The following PIGL variants were observed in gnomAD, a reference collection of about 807,000 sequenced individuals.
PIGL encodes the protein phosphatidylinositol glycan anchor biosynthesis class L, also known as N-acetylglucosaminyl-phosphatidylinositol de-N-acetylase.
PIGL carries 22 observed loss-of-function variants against 31.1 expected under a neutral mutation model. The observed-to-expected ratio is 0.71, with a 90% CI of 0.51 to 1.01. The LOEUF is 1.01. PIGL is among the 50% of genes least tolerant of loss of function. The probability of loss-of-function intolerance (pLI) is 0.00; values close to 1 mark genes in which losing one functional copy is unlikely to be tolerated. For missense variants in PIGL, 302 were observed against 315.9 expected (o/e 0.96, Z 0.33); for synonymous variants, 131 against 117.4 (o/e 1.12, Z -0.75).
At chr17:16,217,636 G>A in intron 1 of PIGL, 175 bp downstream of exon 1, 15 of 525,232 alleles carry the variant, frequency 2.9e-5, no homozygotes, top group South Asian at 6.2e-5. Context: ...CTTACCTGGT[G>A]GGTTGGGGGA....
At chr17:16,254,630 A>G (rs1195623410) in intron 2 of PIGL, among the ~76,000 whole-genome samples, 1 of 150,004 alleles carries the variant, frequency 6.7e-6, no homozygotes, top group Non-Finnish European at 1.5e-5. Context: ...TTTGAGATAG[A>G]GTCTTGCTCT....
chr17:16,240,227 C>G (rs1381314658), intron 2 of PIGL, among the ~76,000 whole-genome samples: 3 of 152,108 alleles, frequency 2.0e-5, no homozygotes, highest in African/African-American at 7.2e-5. Context: ...CCTTTGCCTT[C>G]TGCCATGATT....
At chr17:16,246,340 C>T (rs955466266) in intron 2 of PIGL, among the ~76,000 whole-genome samples, 9 of 151,090 alleles carry the variant, frequency 6.0e-5, no homozygotes, top group South Asian at 2.1e-4. Flanking sequence ...GGTGAAACCC[C>T]GTCTCTACTA....
At chr17:16,277,233 A>G (rs914541820) in intron 2 of PIGL, among the ~76,000 whole-genome samples, 17 of 152,054 alleles carry the variant, frequency 1.1e-4, no homozygotes, top group African/African-American at 3.9e-4. Context: ...GTGTCATTCC[A>G]GTCAAAGCCT....
intron 3 of PIGL, among the ~76,000 whole-genome samples, chr17:16,308,968 T>G (rs946239690): frequency 6.6e-6 from 1 of 152,060 alleles, no homozygotes; most frequent in Non-Finnish European, 1.5e-5. Context: ...AAAAATTTCT[T>G]TCTGTAAAGA....
chr17:16,322,727 C>G (rs1454423227), intron 6 of PIGL, among the ~76,000 whole-genome samples: 1 of 152,160 alleles, frequency 6.6e-6, no homozygotes. Context: ...TGTAGTCATT[C>G]GTGGACACTC....
chr17:16,246,843 G>A (rs891154569), intron 2 of PIGL, among the ~76,000 whole-genome samples: 12 of 150,196 alleles, frequency 8.0e-5, no homozygotes, highest in Non-Finnish European at 1.6e-4. Context: ...CCGCCACCGC[G>A]CCCGGCTAAT....
chr17:16,224,949 C>T (rs939821769), intron 1 of PIGL, among the ~76,000 whole-genome samples: 2 of 152,204 alleles, frequency 1.3e-5, no homozygotes, highest in Non-Finnish European at 2.9e-5. Context: ...AGCCACAGTG[C>T]GTGGCCCTTG....
At chr17:16,307,362 T>C (rs1305285516) in intron 3 of PIGL, among the ~76,000 whole-genome samples, 1 of 152,246 alleles carries the variant, frequency 6.6e-6, no homozygotes, top group Non-Finnish European at 1.5e-5. Flanking sequence ...CCAGGGCACC[T>C]TGGCCTAGGT....
chr17:16,310,544 C>CT (rs917733113), intron 3 of PIGL, among the ~76,000 whole-genome samples: 15 of 151,190 alleles, frequency 9.9e-5, no homozygotes, highest in South Asian at 6.3e-4. Context: ...TCTTCTGATT[C>CT]TTTTTTTTTG....
At chr17:16,256,013 T>C (rs746381210) in intron 2 of PIGL, among the ~76,000 whole-genome samples, 1 of 151,414 alleles carries the variant, frequency 6.6e-6, no homozygotes, top group Non-Finnish European at 1.5e-5. Flanking sequence ...GTAATATGAC[T>C]AGGGAAGTCA....
At chr17:16,321,724 TCCTCCCTCCCTC>T in intron 6 of PIGL, among the ~76,000 whole-genome samples, 1 of 152,098 alleles carries the variant, frequency 6.6e-6, no homozygotes, top group Non-Finnish European at 1.5e-5. Context: ...CTTCCTTCCT[TCCTCCCTCCCTC>T]CCTCTTTCTG....
chr17:16,256,793 C>T lies in PIGL; in HGVS notation c.335+22723C>T, dbSNP rs563155441. ...CACTGCAGCCTCTGCCTCCTGGGCT[C>T]AAGTGATCCTCAGCCTCCCAAGTAG... On this transcript the variant is annotated intron_variant, in intron 2 of 6. Transcript: ENST00000225609. 1.5e-3 allele frequency among the ~76,000 whole-genome samples: 232 copies of T among 151,752 alleles called. 1 individual carries two copies. Among genetic ancestry groups the T allele is most frequent in the Non-Finnish European group, 2.2e-3 (147 of 67,906 alleles).
intron 1 of PIGL, among the ~76,000 whole-genome samples, chr17:16,231,067 C>CTTTTTTT (rs59390439): frequency 5.2e-5 from 5 of 96,576 alleles, no homozygotes; most frequent in Non-Finnish European, 8.2e-5. Flanking sequence ...TTTGGTTTTT[C>CTTTTTTT]TTTTTTTTTT....
chr17:16,306,841 A>G (rs1273402955), intron 3 of PIGL, among the ~76,000 whole-genome samples: 1 of 152,112 alleles, frequency 6.6e-6, no homozygotes, highest in African/African-American at 2.4e-5. Context: ...CTTTTAAACA[A>G]TATCAACACC....
At chr17:16,318,693 G>T (rs2093089380) in intron 6 of PIGL, among the ~76,000 whole-genome samples, 1 of 152,082 alleles carries the variant, frequency 6.6e-6, no homozygotes, top group African/African-American at 2.4e-5. Flanking sequence ...AGCACTTTGG[G>T]AGGCTGAGGC....
chr17:16,284,577 G>T (rs1197712823), intron 2 of PIGL, among the ~76,000 whole-genome samples: 2 of 152,090 alleles, frequency 1.3e-5, no homozygotes, highest in Non-Finnish European at 2.9e-5. Context: ...TATTTTGCAG[G>T]CCTGCACTTG....
At chr17:16,317,977 C>T in intron 6 of PIGL, 69 bp downstream of exon 6, 1 of 1,366,230 alleles carries the variant, frequency 7.3e-7, no homozygotes, top group Non-Finnish European at 1.0e-6. Flanking sequence ...CCTCAAAGCC[C>T]CACCTCTGCA....
At chr17:16,257,599 A>C (rs981986025) in intron 2 of PIGL, among the ~76,000 whole-genome samples, 9 of 152,052 alleles carry the variant, frequency 5.9e-5, no homozygotes, top group Non-Finnish European at 1.2e-4. Context: ...AGTAATAGGC[A>C]GGAATGTATC....
Sources: allele counts gnomAD v4.1 joint callset (sites outside exome capture counted in the v4.1 genomes callset), GRCh38; gene constraint gnomAD v4.1.1; transcripts MANE v1.5; gene names NCBI Gene and HGNC (gene_info 2026-07-23, HGNC 2026-07-21).